The following SCN2B variants were observed in gnomAD, a reference collection of about 807,000 sequenced individuals.
SCN2B encodes sodium voltage-gated channel beta subunit 2.
A neutral mutation model predicts 18.2 loss-of-function variants in SCN2B; 14 were observed. That is an observed-to-expected ratio of 0.77 (90% CI 0.51 to 1.21). SCN2B has a LOEUF of 1.21. Among genes scored for constraint, SCN2B ranks in the 50% most tolerant of loss-of-function variants. The pLI, the probability that SCN2B is intolerant of heterozygous loss-of-function variation, is 0.00. For synonymous variants in SCN2B, 115 were observed against 115.3 expected (o/e 1.00, Z 0.02); for missense variants, 262 against 286.9 (o/e 0.91, Z 0.63).
At chr11:118,172,485 G>T (rs765310297) in intron 1 of SCN2B, among the ~76,000 whole-genome samples, 1 of 152,202 alleles carries the variant, frequency 6.6e-6, no homozygotes, top group Non-Finnish European at 1.5e-5. Flanking sequence ...ATCTCTTGCC[G>T]ACTATATGGC....
chr11:118,168,729 C>A lies in SCN2B; in HGVS notation c.93G>T (p.Glu31Asp), dbSNP rs767173208. The A allele has an allele frequency of 5.6e-6, 9 of 1,614,100 alleles. No individual in the cohort carries two copies. The highest frequency in any genetic ancestry group is 7.6e-6 in the Non-Finnish European group (9 of 1,180,038). Residue 31 changes from glutamate to aspartate, a missense_variant, in exon 2 of 4, where the codon GAG (glutamate) becomes GAT (aspartate). By Grantham distance (45) the Glu-to-Asp change is conservative. Transcript: ENST00000278947. This position sits in a 1 kb window ranked among gnomAD's most constrained non-coding sequence, Gnocchi z 4.7. The part of the protein sequence containing the change: ...FSLVPPGRSM[E>D]VTVPATLNVL... Reference sequence around the variant, plus strand: ...CGTTGAGGGTGGCAGGTACTGTGACCTCCATGCTCCGTCCTGGTGGCACTG... The same window carrying A: ...CGTTGAGGGTGGCAGGTACTGTGACATCCATGCTCCGTCCTGGTGGCACTG...
chr11:118,176,298 C>T (rs1948467476), intron 1 of SCN2B, 64 bp downstream of exon 1: 2 of 1,397,092 alleles, frequency 1.4e-6, no homozygotes, highest in Non-Finnish European at 2.0e-6. Context: ...CCCCTGCCCC[C>T]ATCCTCTTCA....
At position 118,168,014 on chromosome 11, in the gene SCN2B, C is replaced by T; in HGVS notation, c.448+71G>A. ...GAGGGCCTGGCCTCCCCAAAGTGCCCTGAGCAAATGCCGCAGAGAGTAGGT... is the reference window on the plus strand; with the variant it reads ...GAGGGCCTGGCCTCCCCAAAGTGCCTTGAGCAAATGCCGCAGAGAGTAGGT... On this transcript the variant is annotated intron_variant, in intron 3 of 3. Transcript: ENST00000278947. The surrounding 1 kb of genome is among the most constrained non-coding windows in gnomAD (Gnocchi z 4.7). The T allele has an allele frequency of 2.9e-6, 4 of 1,372,058 alleles. No homozygotes were observed. The highest frequency in any genetic ancestry group is 4.1e-6 in the Non-Finnish European group (4 of 978,600). 85.0% of individuals were successfully genotyped at this position (1,372,058 alleles called of 1,614,324 possible). A position where few individuals can be genotyped will look rare whatever the true frequency, so the allele number is the denominator to read the frequency against.
In SCN2B at chr11:118,166,628, AG is replaced by A; in HGVS notation, c.*258del. 1.9e-6 allele frequency: 1 copy of A among 523,826 alleles called. No homozygotes were observed. Among genetic ancestry groups the A allele is most frequent in the Non-Finnish European group, 3.5e-6 (1 of 288,590 alleles). 32.4% of individuals were successfully genotyped at this position (523,826 alleles called of 1,614,324 possible). A position where few individuals can be genotyped will look rare whatever the true frequency, so the allele number is the denominator to read the frequency against. On this transcript the variant is annotated 3_prime_UTR_variant, in exon 4 of 4. Transcript: ENST00000278947. ...TCACATGTGCCTCCTGCCTCCCCCC[AG>A]GGACTGGCAGGTGGGAGCCCTTTCT...
intron 1 of SCN2B, among the ~76,000 whole-genome samples, chr11:118,171,019 T>A (rs1464015534): frequency 6.6e-6 from 1 of 151,820 alleles, no homozygotes; most frequent in Non-Finnish European, 1.5e-5. Context: ...TGCAGGGAAA[T>A]CAACATCTGC....
At chr11:118,172,824 CTG>C (rs1948439759) in intron 1 of SCN2B, among the ~76,000 whole-genome samples, 2 of 152,080 alleles carry the variant, frequency 1.3e-5, no homozygotes, top group Admixed American at 1.3e-4. Flanking sequence ...CTTGCAGAGA[CTG>C]GAAGTTAATC....
rs775684224 is a variant in SCN2B at position 118,166,940 on chromosome 11, C to T, written c.595G>A (p.Glu199Lys). ...QKLSTDDLKT[E>K]EEGKTDGEGN... ...TCACCGTCCGTCTTGCCCTCCTCCTCGGTCTTCAGGTCATCTGTGCTCAGC... is the reference window on the plus strand; with the variant it reads ...TCACCGTCCGTCTTGCCCTCCTCCTTGGTCTTCAGGTCATCTGTGCTCAGC... The change falls in exon 4 of 4, where the codon GAG becomes AAG. Residue 199 changes from glutamate to lysine, a missense_variant. Glu to Lys is a moderately conservative substitution (Grantham distance 56). Transcript: ENST00000278947. The T allele has an allele frequency of 4.3e-6, 7 of 1,614,158 alleles. No individual in the cohort carries two copies. Among genetic ancestry groups the T allele is most frequent in the African/African-American group, 2.7e-5 (2 of 75,040 alleles).
intron 1 of SCN2B, among the ~76,000 whole-genome samples, chr11:118,174,508 C>T (rs974210753): frequency 6.6e-6 from 1 of 152,104 alleles, no homozygotes; most frequent in Non-Finnish European, 1.5e-5. Flanking sequence ...TCCTGGGGAT[C>T]GATGCTACTG....
intron 1 of SCN2B, among the ~76,000 whole-genome samples, chr11:118,170,417 G>C (rs754858193): frequency 6.6e-6 from 1 of 152,162 alleles, no homozygotes; most frequent in Non-Finnish European, 1.5e-5. Flanking sequence ...AAGGAGTTTC[G>C]TGTGCCTGAG....
chr11:118,170,312 C>T lies in SCN2B; in HGVS notation c.71-1561G>A, dbSNP rs1309648725. On this transcript the variant is annotated intron_variant, in intron 1 of 3. Transcript: ENST00000278947. ...TGCTCTGAGGGGGACACACAGGCAG[C>T]GCCCACCTGAAGTGAGAGAGTGAGC... Among the ~76,000 whole-genome samples, 5 of 152,292 alleles carry T rather than the reference C, an allele frequency of 3.3e-5. No homozygotes were observed. In the East Asian group the frequency reaches 5.8e-4, roughly 18 times the overall value.
intron 1 of SCN2B, among the ~76,000 whole-genome samples, chr11:118,172,892 GT>G (rs11358502): frequency 0.65 from 92,901 of 143,950 alleles, 30,080 homozygotes; most frequent in East Asian, 0.72. Context: ...TTTCTTCTTG[GT>G]TTTTTTTTTT....
chr11:118,167,189 C>T (rs1948391993), intron 3 of SCN2B, 103 bp from the exon 4 acceptor site: 1 of 1,232,758 alleles, frequency 8.1e-7, no homozygotes, highest in Non-Finnish European at 1.1e-6. Context: ...CTTTACTCTC[C>T]TCCACAGACA....
intron 3 of SCN2B, 151 bp from the exon 4 acceptor site, chr11:118,167,237 C>T: frequency 1.3e-6 from 1 of 776,872 alleles, no homozygotes; most frequent in Non-Finnish European, 2.0e-6. Context: ...CAGTGACTGA[C>T]CCTGAAGCGC....
rs752863331 is a variant in SCN2B at position 118,168,179 on chromosome 11, C to T, written c.354G>A (p.Gln118=). The change falls in exon 3 of 4, where the codon CAG becomes CAA. Residue 118 remains glutamine, a synonymous_variant. Transcript: ENST00000278947. This position sits in a 1 kb window ranked among gnomAD's most constrained non-coding sequence, Gnocchi z 4.7. ...YDVSVMLRNV[Q]PEDEGIYNCY... is the part of the protein sequence containing the mutation. Reference sequence around the variant, plus strand: ...AGTTGTAAATCCCCTCATCCTCCGGCTGCACGTTTCTCAGCATCACCGACA... The same window carrying T: ...AGTTGTAAATCCCCTCATCCTCCGGTTGCACGTTTCTCAGCATCACCGACA... 6 of 1,614,210 alleles carry T rather than the reference C, an allele frequency of 3.7e-6. No individual in the cohort carries two copies. Among genetic ancestry groups the T allele is most frequent in the South Asian group, 1.1e-5 (1 of 91,080 alleles).
chr11:118,167,608 G>A (rs765524875), intron 3 of SCN2B, among the ~76,000 whole-genome samples: 12 of 152,220 alleles, frequency 7.9e-5, no homozygotes, highest in Non-Finnish European at 1.3e-4. Flanking sequence ...CCAAGCTGGA[G>A]TGCAGTGGCA....
Position 118,168,304 on chromosome 11 carries a change from G to A in SCN2B, c.238-9C>T. 1 of 1,613,170 alleles carries A rather than the reference G, an allele frequency of 6.2e-7. No individual in the cohort carries two copies. Among genetic ancestry groups the A allele is most frequent in the Non-Finnish European group, 8.5e-7 (1 of 1,179,166 alleles). ...ATGCGGAACTGGAGGAACTGGGGTT[G>A]GAGCAAGGGACAGGATGGGTGGCTG... On this transcript the variant is annotated splice_polypyrimidine_tract_variant and intron_variant, in intron 2 of 3. Transcript: ENST00000278947. This position sits in a 1 kb window ranked among gnomAD's most constrained non-coding sequence, Gnocchi z 4.7.
intron 1 of SCN2B, among the ~76,000 whole-genome samples, chr11:118,173,134 G>C (rs1475773214): frequency 6.6e-6 from 1 of 151,956 alleles, no homozygotes; most frequent in Non-Finnish European, 1.5e-5. Flanking sequence ...CTGCTTTCAG[G>C]ATCAAGTCCA....
intron 1 of SCN2B, among the ~76,000 whole-genome samples, chr11:118,170,595 G>A (rs1019290499): frequency 6.6e-6 from 1 of 152,052 alleles, no homozygotes; most frequent in Non-Finnish European, 1.5e-5. Context: ...GGGGCTGCTG[G>A]GAGGCTGTCC....
In SCN2B at chr11:118,167,009, C is replaced by G; in HGVS notation, c.526G>C (p.Val176Leu). ...VGGFLAVVIL[V>L]LMVVKCVRRK... ...CTCACACACTTGACCACCATCAGCA[C>G]CAAGATGACCACAGCCAGGAAGCCC... The change falls in exon 4 of 4, where the codon GTG (valine) becomes CTG (leucine). Residue 176 changes from valine to leucine, a missense_variant. Coordinates refer to ENST00000278947, the MANE Select transcript of SCN2B (RefSeq NM_004588.5). The G allele has an allele frequency of 6.2e-7, 1 of 1,614,034 alleles. No individual in the cohort carries two copies. Among genetic ancestry groups the G allele is most frequent in the Non-Finnish European group, 8.5e-7 (1 of 1,180,038 alleles).
Sources: gnomAD v4.1 joint callset for allele counts (sites outside exome capture counted in the v4.1 genomes callset) on GRCh38, gnomAD v4.1.1 for gene constraint, Gnocchi (gnomAD v3.1) non-coding constraint, MANE v1.5 for transcripts, NCBI Gene and HGNC (gene_info 2026-07-23, HGNC 2026-07-21) for gene names.